The following TPCN1 variants were observed in gnomAD, a reference collection of about 807,000 sequenced individuals.
TPCN1 encodes two pore segment channel 1.
TPCN1 carries 52 observed loss-of-function variants against 108.8 expected under a neutral mutation model. The ratio of observed to expected loss-of-function variants is 0.48; its 90% CI spans 0.38 to 0.60. TPCN1 has a LOEUF of 0.60. Among genes scored for constraint, TPCN1 ranks in the 20% least tolerant of loss-of-function variants. The pLI, the probability that TPCN1 is intolerant of heterozygous loss-of-function variation, is 0.00. For synonymous variants in TPCN1, 446 were observed against 433.7 expected (o/e 1.03, Z -0.35); for missense variants, 806 against 1,072.8 (o/e 0.75, Z 3.47).
intron 12 of TPCN1, among the ~76,000 whole-genome samples, 195 bp from the exon 13 acceptor site, chr12:113,277,994 G>A (rs1472005110): frequency 6.6e-6 from 1 of 152,158 alleles, no homozygotes; most frequent in Non-Finnish European, 1.5e-5. Context: ...CATATTTGTA[G>A]TACCTCAAGG....
At chr12:113,252,314 C>G (rs1181860534) in intron 2 of TPCN1, among the ~76,000 whole-genome samples, 5 of 152,180 alleles carry the variant, frequency 3.3e-5, no homozygotes, top group African/African-American at 4.8e-5. Flanking sequence ...GTCGGGCCAC[C>G]TGGTCCCAGG....
intron 3 of TPCN1, among the ~76,000 whole-genome samples, chr12:113,262,103 G>T (rs1276168693): frequency 6.6e-6 from 1 of 152,184 alleles, no homozygotes; most frequent in East Asian, 1.9e-4. Context: ...TGAGGAAATA[G>T]ACTTTTTCTT....
At chr12:113,293,900 C>T (rs936460282) in intron 27 of TPCN1, among the ~76,000 whole-genome samples, 1 of 152,094 alleles carries the variant, frequency 6.6e-6, no homozygotes, top group Non-Finnish European at 1.5e-5. Context: ...TGCAGCAGCA[C>T]GATCTAGGCT....
chr12:113,242,512 G>C (rs1225470944), intron 2 of TPCN1, among the ~76,000 whole-genome samples: 7 of 152,224 alleles, frequency 4.6e-5, no homozygotes, highest in Non-Finnish European at 7.3e-5. Context: ...AGTCTTGTTT[G>C]TAGGGCCTTT....
At chr12:113,285,512 A>G (rs1371096533) in intron 17 of TPCN1, among the ~76,000 whole-genome samples, 2 of 152,184 alleles carry the variant, frequency 1.3e-5, no homozygotes, top group African/African-American at 2.4e-5. Context: ...AGCTGGGATT[A>G]CAGGCACACA....
Position 113,284,629 on chromosome 12 carries a change from T to G in TPCN1, c.1391T>G (p.Met464Arg). The change falls in exon 16 of 28, where the codon ATG (methionine) becomes AGG (arginine). Residue 464 changes from methionine (M) to arginine (R), a missense_variant. Coordinates refer to ENST00000335509, the MANE Select transcript of TPCN1 (RefSeq NM_017901.6). This position sits in a 1 kb window ranked among gnomAD's most constrained non-coding sequence, Gnocchi z 4.1. ...GTCTGGATCCTCGTGGAGACATTTA[T>G]GCTGAAAGGTGAGCCCCGCTCAGGG... ...NGVWILVETF[M>R]LKGGNFFSKH... 6.2e-7 allele frequency: 1 copy of G among 1,614,240 alleles called. No individual in the cohort carries two copies.
Position 113,273,143 on chromosome 12 carries a change from G to C in TPCN1, c.784-89G>C, listed in dbSNP as rs6489894. Reference sequence around the variant, plus strand: ...GAGAGATGCAAGAGCGGTCAAGGCAGGGCATGCCAGGTGGCCCATCACAGC... The same window carrying C: ...GAGAGATGCAAGAGCGGTCAAGGCACGGCATGCCAGGTGGCCCATCACAGC... On this transcript the variant is annotated intron_variant, in intron 8 of 27. Coordinates refer to ENST00000335509, the MANE Select transcript of TPCN1 (RefSeq NM_017901.6). The surrounding 1 kb of genome is among the most constrained non-coding windows in gnomAD (Gnocchi z 4.0). The C allele has an allele frequency of 8.5e-7, 1 of 1,178,566 alleles. No homozygotes were observed. The highest frequency in any genetic ancestry group is 1.3e-6 in the Non-Finnish European group (1 of 783,810). 73.0% of individuals were successfully genotyped at this position (1,178,566 alleles called of 1,614,324 possible).
intron 7 of TPCN1, among the ~76,000 whole-genome samples, chr12:113,271,504 A>G (rs374776492): frequency 6.6e-6 from 1 of 152,226 alleles, no homozygotes; most frequent in African/African-American, 2.4e-5. Context: ...AATGCTTTGC[A>G]TACTTAAAAA....
chr12:113,259,434 C>G (rs1954943217), intron 2 of TPCN1, among the ~76,000 whole-genome samples: 1 of 152,142 alleles, frequency 6.6e-6, no homozygotes, highest in Non-Finnish European at 1.5e-5. Context: ...TGTGACAAAC[C>G]CAACTCAGAC....
intron 2 of TPCN1, among the ~76,000 whole-genome samples, chr12:113,241,389 G>A (rs1470375832): frequency 5.9e-5 from 9 of 152,334 alleles, no homozygotes; most frequent in African/African-American, 1.7e-4. Context: ...GTGCTGGGGC[G>A]TGGCCAGTGT....
chr12:113,222,493 C>G (rs1001573137), intron 1 of TPCN1, among the ~76,000 whole-genome samples: 1 of 152,164 alleles, frequency 6.6e-6, no homozygotes, highest in Non-Finnish European at 1.5e-5. Flanking sequence ...CACCAGCAAT[C>G]CCCCCACTCC....
Position 113,266,117 on chromosome 12 carries a change from GCTC to G in TPCN1, c.238-59_238-57del. On this transcript the variant is annotated intron_variant, in intron 3 of 27. Transcript: ENST00000335509. The surrounding 1 kb of genome is among the most constrained non-coding windows in gnomAD (Gnocchi z 4.2). ...GCCTTCCTTTCCTCCCCTGCCCGCG[GCTC>G]CTCTTTGGCGTTGGATGGGTCTCCA... 1 of 1,576,324 alleles carries G rather than the reference GCTC, an allele frequency of 6.3e-7. No homozygotes were observed. The highest frequency in any genetic ancestry group is 2.3e-5 in the East Asian group (1 of 44,436).
At chr12:113,227,067 G>T (rs542338660) in intron 2 of TPCN1, 103 bp downstream of exon 2, 284 of 951,012 alleles carry the variant, frequency 3.0e-4, no homozygotes, top group Non-Finnish European at 4.0e-4. Context: ...GTAACTTGTT[G>T]CCTGGCCCCA....
chr12:113,247,019 G>A (rs1263328463), intron 2 of TPCN1, among the ~76,000 whole-genome samples: 1 of 152,172 alleles, frequency 6.6e-6, no homozygotes, highest in African/African-American at 2.4e-5. Context: ...GCAGTAGGAG[G>A]TCAGAACAAG....
intron 2 of TPCN1, among the ~76,000 whole-genome samples, chr12:113,237,645 C>A (rs1432915057): frequency 6.6e-6 from 1 of 152,186 alleles, no homozygotes; most frequent in African/African-American, 2.4e-5. Context: ...AGGCGTGAGC[C>A]ACCATGCCTG....
rs1956182516 is a variant in TPCN1, at chr12:113,288,998, G to A, written c.1796+151G>A. 3 of 745,378 alleles carry A rather than the reference G, an allele frequency of 4.0e-6. No homozygotes were observed. Among genetic ancestry groups the A allele is most frequent in the Non-Finnish European group, 6.7e-6 (3 of 446,030 alleles). 46.2% of individuals were successfully genotyped at this position (745,378 alleles called of 1,614,324 possible). A position where few individuals can be genotyped will look rare whatever the true frequency, so the allele number is the denominator to read the frequency against. On this transcript the variant is annotated intron_variant, in intron 21 of 27. Transcript: ENST00000335509. The surrounding 1 kb of genome is among the most constrained non-coding windows in gnomAD (Gnocchi z 4.8). ...CTTTGCTTTCAGGGCTTAGTTGAGTGCAGTGAGCTAAATGAGGGGCCTGGA... is the reference window on the plus strand; with the variant it reads ...CTTTGCTTTCAGGGCTTAGTTGAGTACAGTGAGCTAAATGAGGGGCCTGGA...
At chr12:113,252,190 C>T (rs755342081) in intron 2 of TPCN1, among the ~76,000 whole-genome samples, 97 of 152,246 alleles carry the variant, frequency 6.4e-4, no homozygotes, top group Admixed American at 4.6e-4. Context: ...GACTATCTCT[C>T]ACCCAAACCA....
At position 113,272,123 on chromosome 12, in the gene TPCN1, C is replaced by T. The variant is rs1955523702; in HGVS notation, c.749-535C>T. 6.6e-6 allele frequency among the ~76,000 whole-genome samples: 1 copy of T among 152,184 alleles called. No homozygotes were observed. The highest frequency in any genetic ancestry group is 2.4e-5 in the African/African-American group (1 of 41,454). On this transcript the variant is annotated intron_variant, in intron 7 of 27. Coordinates refer to ENST00000335509, the MANE Select transcript of TPCN1 (RefSeq NM_017901.6). The surrounding 1 kb of genome is among the most constrained non-coding windows in gnomAD (Gnocchi z 4.1). Reference sequence around the variant, plus strand: ...GTTTGTGCTTCTCCGGGGGTAGGGGCTGATTTCCCCTGAGGGCAGAGTTCC... The same window carrying T: ...GTTTGTGCTTCTCCGGGGGTAGGGGTTGATTTCCCCTGAGGGCAGAGTTCC...
chr12:113,241,268 C>T (rs925038305), intron 2 of TPCN1, among the ~76,000 whole-genome samples: 1 of 152,224 alleles, frequency 6.6e-6, no homozygotes, highest in Admixed American at 6.5e-5. Flanking sequence ...ATGTAGCTGT[C>T]CTCCAGCTGT....
Sources: gnomAD v4.1 joint callset for allele counts (sites outside exome capture counted in the v4.1 genomes callset) on GRCh38, gnomAD v4.1.1 for gene constraint, Gnocchi (gnomAD v3.1) non-coding constraint, MANE v1.5 for transcripts, NCBI Gene and HGNC (gene_info 2026-07-23, HGNC 2026-07-21) for gene names.